SLC22A25: variants seen among roughly 807,000 people sequenced by gnomAD.
SLC22A25 encodes the protein MGI:2442751, MGI:2385316, MGI:3042283, MGI:3645714, MGI:3605624, MGI:2442750.
Under a neutral mutation model 45.9 loss-of-function variants are expected in SLC22A25, and 44 were observed. That is an observed-to-expected ratio of 0.96 (90% CI 0.75 to 1.23). SLC22A25 has a LOEUF of 1.23. SLC22A25 is among the 50% of genes most tolerant of loss of function. The probability of loss-of-function intolerance (pLI) is 0.00; values close to 1 mark genes in which losing one functional copy is unlikely to be tolerated. For synonymous variants in SLC22A25, 283 were observed against 238.6 expected (o/e 1.19, Z -1.72); for missense variants, 800 against 666.4 (o/e 1.20, Z -2.21).
At chr11:63,171,393 G>A (rs758407364) in intron 9 of SLC22A25, among the ~76,000 whole-genome samples, 2 of 152,112 alleles carry the variant, frequency 1.3e-5, no homozygotes, top group Non-Finnish European at 2.9e-5. Flanking sequence ...TGACATGATT[G>A]TATATTTAGA....
chr11:63,195,561 A>G (rs1166950930), intron 7 of SLC22A25, among the ~76,000 whole-genome samples: 1 of 152,246 alleles, frequency 6.6e-6, no homozygotes, highest in African/African-American at 2.4e-5. Flanking sequence ...GCCAACGAGA[A>G]CAAAGACACA....
In SLC22A25 at chr11:63,217,446, G is replaced by A. The variant is rs751834605; in HGVS notation, c.698C>T (p.Ala233Val). 13 of 1,613,962 alleles carry A rather than the reference G, an allele frequency of 8.1e-6. No homozygotes were observed. Among genetic ancestry groups the A allele is most frequent in the Admixed American group, 5.0e-5 (3 of 59,926 alleles). Residue 233 changes from alanine (A) to valine (V), a missense_variant, in exon 7 of 12, where the codon GCA becomes GTA. Ala to Val is a moderately conservative substitution (Grantham distance 64, BLOSUM62 0). Transcript: ENST00000306494. ...EWITHQFCAMALTLTLCAASI... is the reference protein window; with the variant it reads ...EWITHQFCAMVLTLTLCAASI... ...AGCAGCACAAAGTGTCAATGTCAAT[G>A]CCATGGCACAGAATTGGTGAGTTAT...
At chr11:63,171,311 C>T (rs534169527) in intron 9 of SLC22A25, among the ~76,000 whole-genome samples, 15 of 152,006 alleles carry the variant, frequency 9.9e-5, no homozygotes, top group South Asian at 2.1e-4. Flanking sequence ...GTTCTGGCCA[C>T]GGTAACCAGG....
At chr11:63,197,012 CA>C (rs1472439454) in intron 7 of SLC22A25, among the ~76,000 whole-genome samples, 1 of 152,060 alleles carries the variant, frequency 6.6e-6, no homozygotes, top group African/African-American at 2.4e-5. Flanking sequence ...ACAATTACTT[CA>C]AAGAGAATAA....
chr11:63,236,135 C>G (rs533681779), intron 3 of SLC22A25, among the ~76,000 whole-genome samples: 71 of 152,324 alleles, frequency 4.7e-4, no homozygotes, highest in Admixed American at 9.2e-4. Context: ...AGATCTCAAG[C>G]TGCGTGCTGG....
At chr11:63,193,080 A>G (rs888059856) in intron 7 of SLC22A25, among the ~76,000 whole-genome samples, 2 of 152,174 alleles carry the variant, frequency 1.3e-5, no homozygotes, top group South Asian at 2.1e-4. Context: ...TCACTTAATC[A>G]GAAGCAAAAC....
chr11:63,190,573 G>A (rs1032384849), intron 7 of SLC22A25, among the ~76,000 whole-genome samples: 2 of 152,032 alleles, frequency 1.3e-5, no homozygotes, highest in Non-Finnish European at 2.9e-5. Flanking sequence ...GTCCAGCTTT[G>A]TTCCATTGCT....
chr11:63,209,795 A>G (rs1300797), intron 7 of SLC22A25, among the ~76,000 whole-genome samples: 150,400 of 152,300 alleles, frequency 0.99, 74,300 homozygotes, highest in Middle Eastern at 1. Flanking sequence ...ACCCAACCTG[A>G]CCAGATTGTC....
intron 7 of SLC22A25, among the ~76,000 whole-genome samples, chr11:63,213,778 C>A (rs771552577): frequency 6.6e-6 from 1 of 152,112 alleles, no homozygotes; most frequent in African/African-American, 2.4e-5. Context: ...GAAGTGTTCT[C>A]GAGCCGGGAA....
In SLC22A25 at chr11:63,217,625, G is replaced by A. The variant is rs775590251; in HGVS notation, c.617C>T (p.Ala206Val). ...AATGATGCTAAATGTAGCAGCCCCA[G>A]CCAAGAAGCGCAGGGAGCAGTATAC... ...ILVYCSLRFL[A>V]GAATFSIIVN... Residue 206 changes from alanine to valine, a missense_variant, in exon 6 of 12, where the codon GCT becomes GTT. By Grantham distance (64) the Ala-to-Val change is moderately conservative. Transcript: ENST00000306494. 4 of 1,613,890 alleles carry A rather than the reference G, an allele frequency of 2.5e-6. No individual in the cohort carries two copies. Among genetic ancestry groups the A allele is most frequent in the Non-Finnish European group, 3.4e-6 (4 of 1,179,988 alleles).
At chr11:63,170,603 AG>A (rs1419792472) in intron 9 of SLC22A25, among the ~76,000 whole-genome samples, 1 of 152,198 alleles carries the variant, frequency 6.6e-6, no homozygotes, top group Non-Finnish European at 1.5e-5. Context: ...CACCCTCCCA[AG>A]ACTAAACCAG....
chr11:63,240,570 C>G (rs567311814), intron 1 of SLC22A25, among the ~76,000 whole-genome samples: 4 of 152,142 alleles, frequency 2.6e-5, no homozygotes, highest in African/African-American at 9.7e-5. Flanking sequence ...TTTGTAATAA[C>G]ACTTAAAATA....
intron 9 of SLC22A25, chr11:63,167,117 G>A (rs1470854841): frequency 1.3e-5 from 2 of 152,420 alleles, no homozygotes; most frequent in Non-Finnish European, 2.9e-5. Flanking sequence ...AAGCCATAGG[G>A]ACTGTGCTAT....
rs2090033341 is a variant in SLC22A25, at chr11:63,229,642, T to A, written c.11A>T (p.Gln4Leu). 3 of 1,601,216 alleles carry A rather than the reference T, an allele frequency of 1.9e-6. No individual in the cohort carries two copies. In the Admixed American group the frequency reaches 5.0e-5, roughly 27 times the overall value. The change falls in exon 4 of 12, where the codon CAG becomes CTG. Residue 4 changes from glutamine (Q) to leucine (L), a missense_variant. By Grantham distance (113) the Gln-to-Leu change is moderately radical. Coordinates refer to ENST00000306494, the MANE Select transcript of SLC22A25 (RefSeq NM_199352.6). The part of the protein sequence containing the change: MAF[Q>L]DLLDQVGGLG... ...GCCTCCAACTTGATCTAGGAGGTCC[T>A]GAAAGGCCATTGAGGCTGGACAAGT...
rs1006753105 is a variant in SLC22A25 at position 63,162,604 on chromosome 11, T to G, written c.*1220A>C. Among the ~76,000 whole-genome samples the G allele has an allele frequency of 3.3e-5, 5 of 152,188 alleles. No homozygotes were observed. Among genetic ancestry groups the G allele is most frequent in the African/African-American group, 1.2e-4 (5 of 41,460 alleles). On this transcript the variant is annotated 3_prime_UTR_variant, in exon 12 of 12. Transcript: ENST00000306494. ...TTAAGCAATTACTCTATTAAATAAT[T>G]AAGGAAGAATCATTGTTTTAAATAT...
intron 9 of SLC22A25, chr11:63,168,023 C>A: frequency 2.9e-6 from 1 of 348,168 alleles, no homozygotes; most frequent in South Asian, 2.1e-5. Flanking sequence ...CCCAAGCAAA[C>A]AGGATCTGGA....
Position 63,237,902 on chromosome 11 carries a change from G to C in SLC22A25, c.-466C>G, listed in dbSNP as rs1175794891. On this transcript the variant is annotated 5_prime_UTR_variant, in exon 3 of 12. Transcript: ENST00000306494. The stretch of plus-strand genomic sequence containing the variant: ...TCACTAGTATAGTGATCTTTGAACA[G>C]AGATGCTCATCTGTCTGATAAATGG... 1.3e-5 allele frequency: 2 copies of C among 152,228 alleles called. No individual in the cohort carries two copies. The highest frequency in any genetic ancestry group is 2.4e-5 in the African/African-American group (1 of 41,448). The allele number at this position is 152,228 out of a possible 1,614,324, so 9.4% of individuals were successfully genotyped here.
intron 5 of SLC22A25, among the ~76,000 whole-genome samples, chr11:63,222,620 C>G (rs982632107): frequency 6.6e-6 from 1 of 151,982 alleles, no homozygotes; most frequent in Non-Finnish European, 1.5e-5. Flanking sequence ...ATATTTTTCT[C>G]TTGTCTGATT....
chr11:63,211,887 A>C (rs972613369), intron 7 of SLC22A25, among the ~76,000 whole-genome samples: 3 of 152,174 alleles, frequency 2.0e-5, no homozygotes, highest in South Asian at 2.1e-4. Context: ...GGCAACCTAC[A>C]GAATGGGAGA....
Sources: allele counts gnomAD v4.1 joint callset (sites outside exome capture counted in the v4.1 genomes callset), GRCh38; gene constraint gnomAD v4.1.1; transcripts MANE v1.5; gene names NCBI Gene and HGNC (gene_info 2026-07-23, HGNC 2026-07-21).